Variants in LTBR observed in about 807,000 individuals in gnomAD.
The protein encoded by LTBR is lymphotoxin beta receptor, also known as tumor necrosis factor receptor superfamily member 3.
LTBR carries 15 observed loss-of-function variants against 45.4 expected under a neutral mutation model. That is an observed-to-expected ratio of 0.33 (90% CI 0.22 to 0.51). LTBR has a LOEUF of 0.51. Ranked by LOEUF, LTBR falls within the 20% of genes least tolerant of loss-of-function variation. The pLI is 0.97. For synonymous variants in LTBR, 228 were observed against 231.0 expected (o/e 0.99, Z 0.12); for missense variants, 450 against 565.5 (o/e 0.80, Z 2.07).
upstream of LTBR, chr12:6,384,000 A>T: frequency 8.8e-7 from 1 of 1,138,088 alleles, no homozygotes; most frequent in Non-Finnish European, 1.1e-6. Context: ...CGAAGAAGGG[A>T]GGAGGCCGGT....
At chr12:6,384,961 GC>G in intron 2 of LTBR, 60 bp from the exon 3 acceptor site, 1 of 1,604,718 alleles carries the variant, frequency 6.2e-7, no homozygotes, top group Non-Finnish European at 8.5e-7. Flanking sequence ...CACACTACAG[GC>G]AGCGGAGGTG....
At chr12:6,378,727 CCTT>C (rs1191103968) in intron 1 of LTBR, among the ~76,000 whole-genome samples, 5 of 152,184 alleles carry the variant, frequency 3.3e-5, no homozygotes, top group Non-Finnish European at 4.4e-5. Context: ...GCCCAGTTCT[CCTT>C]CTCTGACTTT....
At chr12:6,382,062 C>A (rs2136924418), upstream of LTBR, among the ~76,000 whole-genome samples, 1 of 145,712 alleles carries the variant, frequency 6.9e-6, no homozygotes, top group East Asian at 2.0e-4. Context: ...ACTCTCTGAG[C>A]TGTATCTGTA....
intron 6 of LTBR, chr12:6,387,835 C>T: frequency 2.2e-6 from 1 of 455,230 alleles, no homozygotes; most frequent in Non-Finnish European, 4.4e-6. Context: ...ACTTGCAAGC[C>T]CTGCTCTACC....
At chr12:6,377,471 A>C in intron 1 of LTBR, 1 of 653,314 alleles carries the variant, frequency 1.5e-6, no homozygotes, top group African/African-American at 1.8e-5. Flanking sequence ...CTCATGGGGG[A>C]TCGGGGCTCA....
In LTBR at chr12:6,384,464, G is replaced by C. The variant is rs1300336425; in HGVS notation, c.96+10G>C. On this transcript the variant is annotated intron_variant, in intron 1 of 9. Coordinates refer to ENST00000228918, the MANE Select transcript of LTBR (RefSeq NM_002342.3). ...ATCGCAGCCCCAGGCGGTGAGGAAG[G>C]GGCCTGGTAGGAGTGGGCGAGGGTG... 3 of 1,562,876 alleles carry C rather than the reference G, an allele frequency of 1.9e-6. No homozygotes were observed. Among genetic ancestry groups the C allele is most frequent in the African/African-American group, 2.7e-5 (2 of 74,000 alleles).
intron 1 of LTBR, among the ~76,000 whole-genome samples, chr12:6,376,968 C>T (rs1198852663): frequency 6.6e-6 from 1 of 152,204 alleles, no homozygotes; most frequent in Non-Finnish European, 1.5e-5. Context: ...GGACTTCTAA[C>T]AAAAGTGCAG....
chr12:6,385,344 C>T lies in LTBR; in HGVS notation c.437C>T (p.Ser146Phe), dbSNP rs41393248. ...ALECTHCELL[S>F]DCPPGTEAEL... is the part of the protein sequence containing the mutation. ...GAGTGTACACACTGCGAGCTACTTT[C>T]TGACTGCCCGCCTGGCACTGAAGCC... The change falls in exon 4 of 10, where the codon TCT becomes TTT. Residue 146 changes from serine to phenylalanine, a missense_variant. Ser to Phe is a radical substitution (Grantham distance 155, BLOSUM62 -2). Around this residue, in one of 3 missense-constraint regions of LTBR, gnomAD observed 367 missense variants for 435.4 expected, o/e 0.84. Coordinates refer to ENST00000228918, the MANE Select transcript of LTBR (RefSeq NM_002342.3). 2.6e-3 allele frequency: 4,181 copies of T among 1,614,122 alleles called. 81 individuals are homozygous for T. The African/African-American group carries it at 0.047, about 18-fold the overall frequency.
In LTBR at chr12:6,384,163, C is replaced by A; in HGVS notation, c.-196C>A. On this transcript the variant is annotated 5_prime_UTR_variant, in exon 1 of 10. Transcript: ENST00000228918. ...CCCGCCCCGCGGCCAGCTCGCTCCA[C>A]TCCCACTTCCTGAGCTCCGCCATGG... 1 of 1,287,510 alleles carries A rather than the reference C, an allele frequency of 7.8e-7. No individual in the cohort carries two copies. The highest frequency in any genetic ancestry group is 9.8e-7 in the Non-Finnish European group (1 of 1,021,236). The allele number at this position is 1,287,510 out of a possible 1,614,324, so 79.8% of individuals were successfully genotyped here.
In LTBR at chr12:6,388,327, G is replaced by T; in HGVS notation, c.668-71G>T. 8.5e-7 allele frequency: 1 copy of T among 1,180,200 alleles called. No individual in the cohort carries two copies. Among genetic ancestry groups the T allele is most frequent in the Non-Finnish European group, 1.3e-6 (1 of 791,966 alleles). The allele number at this position is 1,180,200 out of a possible 1,614,324, so 73.1% of individuals were successfully genotyped here. A position where few individuals can be genotyped will look rare whatever the true frequency, so the allele number is the denominator to read the frequency against. ...TCTGGGTTGCCCAGGGATCTGGAAAGCTCTTCCTTCTCCTCCTCCCCTCTG... is the reference window on the plus strand; with the variant it reads ...TCTGGGTTGCCCAGGGATCTGGAAATCTCTTCCTTCTCCTCCTCCCCTCTG... On this transcript the variant is annotated intron_variant, in intron 6 of 9. Transcript: ENST00000228918. The surrounding 1 kb of genome is among the most constrained non-coding windows in gnomAD (Gnocchi z 4.3).
At chr12:6,380,035 A>T (rs1178379365), upstream of LTBR, among the ~76,000 whole-genome samples, 1 of 151,788 alleles carries the variant, frequency 6.6e-6, no homozygotes, top group East Asian at 1.9e-4. Context: ...CACTATTGAC[A>T]TTTTCGGCTG....
chr12:6,383,897 C>T (rs1381257590), upstream of LTBR: 2 of 444,318 alleles, frequency 4.5e-6, no homozygotes, highest in African/African-American at 4.2e-5. Flanking sequence ...TCTGCTCTCC[C>T]TGCGAGGCTT....
At chr12:6,377,402 T>C (rs1948929675) in intron 1 of LTBR, 1 of 784,192 alleles carries the variant, frequency 1.3e-6, no homozygotes, top group African/African-American at 1.7e-5. Flanking sequence ...AATTCAGAAT[T>C]CTCCTCCTCC....
upstream of LTBR, chr12:6,375,296 C>A: frequency 7.0e-7 from 1 of 1,438,556 alleles, no homozygotes; most frequent in Non-Finnish European, 9.1e-7. Flanking sequence ...CTTCCTCTCC[C>A]CCCCTTGCCT....
chr12:6,390,948 GA>G lies in LTBR; in HGVS notation c.*15del. ...ATCACCCATGACTGACTGAGTCTGA[GA>G]AAAGGCAGAAGAAGGGGGGCACAAG... On this transcript the variant is annotated 3_prime_UTR_variant, in exon 10 of 10. Coordinates refer to ENST00000228918, the MANE Select transcript of LTBR (RefSeq NM_002342.3). 5.3e-6 allele frequency: 8 copies of G among 1,515,596 alleles called. No homozygotes were observed. The highest frequency in any genetic ancestry group is 2.8e-5 in the African/African-American group (2 of 71,374). The allele number at this position is 1,515,596 out of a possible 1,614,324, so 93.9% of individuals were successfully genotyped here.
rs1382669636 is a variant in LTBR at position 6,385,245 on chromosome 12, T to C, written c.338T>C (p.Ile113Thr). The C allele has an allele frequency of 6.2e-7, 1 of 1,613,996 alleles. No individual in the cohort carries two copies. Among genetic ancestry groups the C allele is most frequent in the Non-Finnish European group, 8.5e-7 (1 of 1,180,010 alleles). Residue 113 changes from isoleucine (I) to threonine (T), a missense_variant, in exon 4 of 10, where the codon ATT (isoleucine) becomes ACT (threonine). Transcript: ENST00000228918. Reference sequence around the variant, plus strand: ...CCGCCAGTGATGGGCCTCGAGGAGATTGCCCCCTGCACAAGCAAACGGAAG... The same window carrying C: ...CCGCCAGTGATGGGCCTCGAGGAGACTGCCCCCTGCACAAGCAAACGGAAG... Reference protein sequence around the residue: ...PCDPVMGLEEIAPCTSKRKTQ... With the variant: ...PCDPVMGLEETAPCTSKRKTQ...
At position 6,385,237 on chromosome 12, in the gene LTBR, C is replaced by G. The variant is rs376062437; in HGVS notation, c.330C>G (p.Leu110=). Residue 110 remains leucine (L), a synonymous_variant, in exon 4 of 10, where the codon CTC becomes CTG. Coordinates refer to ENST00000228918, the MANE Select transcript of LTBR (RefSeq NM_002342.3). ...LCRPCDPVMG[L]EEIAPCTSKR... is the part of the protein sequence containing the mutation. ...CCGTCTCCCCGCCAGTGATGGGCCT[C>G]GAGGAGATTGCCCCCTGCACAAGCA... 27 of 1,613,998 alleles carry G rather than the reference C, an allele frequency of 1.7e-5. No individual in the cohort carries two copies. Among genetic ancestry groups the G allele is most frequent in the Non-Finnish European group, 2.2e-5 (26 of 1,180,044 alleles).
chr12:6,375,745 TG>T, intron 1 of LTBR: 2 of 1,412,890 alleles, frequency 1.4e-6, no homozygotes, highest in South Asian at 1.5e-5. Context: ...GCAAGGAGGC[TG>T]GGGGACAGGA....
At chr12:6,385,673 G>C (rs1592098827) in intron 4 of LTBR, 5 of 431,054 alleles carry the variant, frequency 1.2e-5, no homozygotes, top group Non-Finnish European at 1.7e-5. Context: ...TTGGGAGGCC[G>C]AGGTGGGCGG....
Sources: allele counts gnomAD v4.1 joint callset (sites outside exome capture counted in the v4.1 genomes callset), GRCh38; gene constraint gnomAD v4.1.1; regional missense constraint gnomAD v4.1.1; non-coding constraint Gnocchi (gnomAD v3.1); transcripts MANE v1.5; gene names NCBI Gene and HGNC (gene_info 2026-07-23, HGNC 2026-07-21).